The following RAP1A variants were observed in gnomAD, a reference collection of about 807,000 sequenced individuals.
RAP1A encodes RAP1A, member of RAS oncogene family.
RAP1A carries 6 observed loss-of-function variants against 26.4 expected under a neutral mutation model. That is an observed-to-expected ratio of 0.23 (90% CI 0.12 to 0.45). RAP1A has a LOEUF of 0.45. Ranked by LOEUF, RAP1A falls within the 20% of genes least tolerant of loss-of-function variation. RAP1A has a pLI of 0.99. For synonymous variants in RAP1A, 73 were observed against 79.4 expected (o/e 0.92, Z 0.43); for missense variants, 121 against 217.2 (o/e 0.56, Z 2.78).
chr1:111,696,776 A>G (rs1184101508), intron 3 of RAP1A, among the ~76,000 whole-genome samples: 1 of 152,098 alleles, frequency 6.6e-6, no homozygotes, highest in Non-Finnish European at 1.5e-5. Flanking sequence ...CATTAGACCA[A>G]CCTTCTTTTC....
chr1:111,648,962 G>T, intron 1 of RAP1A: 1 of 660,830 alleles, frequency 1.5e-6, no homozygotes, highest in South Asian at 1.4e-5. Context: ...GCTCTTCGTT[G>T]AGAGCCTCGA....
At chr1:111,582,944 C>T (rs1361795528) in intron 1 of RAP1A, among the ~76,000 whole-genome samples, 5 of 152,206 alleles carry the variant, frequency 3.3e-5, no homozygotes, top group Admixed American at 6.5e-5. Context: ...CCAGCTCCTA[C>T]AACCATACAG....
At chr1:111,630,473 C>G (rs947038760) in intron 1 of RAP1A, among the ~76,000 whole-genome samples, 1 of 152,062 alleles carries the variant, frequency 6.6e-6, no homozygotes, top group Non-Finnish European at 1.5e-5. Flanking sequence ...TTTTATACCA[C>G]TGAAGGGTTG....
At chr1:111,547,466 G>A (rs1268023460) in intron 1 of RAP1A, among the ~76,000 whole-genome samples, 1 of 152,004 alleles carries the variant, frequency 6.6e-6, no homozygotes, top group African/African-American at 2.4e-5. Flanking sequence ...GACTTCAAAT[G>A]TTTGTGAAAA....
rs991396579 is a variant in RAP1A at position 111,630,457 on chromosome 1, G to A, written c.-28+10523G>A. ...AGCAGTGAATAAGACGTGCTTTCAT[G>A]GCAATTTTTATACCACTGAAGGGTT... is the stretch of plus-strand genomic sequence containing the variant. On this transcript the variant is annotated intron_variant, in intron 1 of 7. Coordinates refer to ENST00000369709, the MANE Select transcript of RAP1A (RefSeq NM_002884.4). Among the ~76,000 whole-genome samples the A allele has an allele frequency of 5.3e-5, 8 of 152,098 alleles. No homozygotes were observed. In the East Asian group the frequency reaches 1.5e-3, roughly 29 times the overall value.
chr1:111,684,735 C>T (rs1661415403), intron 1 of RAP1A, among the ~76,000 whole-genome samples: 1 of 152,096 alleles, frequency 6.6e-6, no homozygotes, highest in African/African-American at 2.4e-5. Context: ...TCAGTGCTCC[C>T]CATAAAGCTA....
chr1:111,640,395 A>T (rs1442985751), intron 1 of RAP1A, among the ~76,000 whole-genome samples: 2 of 152,298 alleles, frequency 1.3e-5, no homozygotes, highest in East Asian at 3.9e-4. Context: ...TCCTCACTAA[A>T]TATTGTGATA....
chr1:111,618,531 G>A (rs1446583443), upstream of RAP1A, among the ~76,000 whole-genome samples: 1 of 152,066 alleles, frequency 6.6e-6, no homozygotes. Flanking sequence ...CTAGACTTAA[G>A]ACTTAAAAAG....
In RAP1A at chr1:111,714,592, G is replaced by A. The variant is rs1184140074; in HGVS notation, c.*2191G>A. The A allele has an allele frequency of 4.6e-5, 7 of 152,220 alleles. No individual in the cohort carries two copies. The highest frequency in any genetic ancestry group is 7.3e-5 in the Non-Finnish European group (5 of 68,044). 9.4% of individuals were successfully genotyped at this position (152,220 alleles called of 1,614,324 possible). ...CTTATACAGTCCACTTGGGTTAAAG[G>A]TGGAACTGTCAAGAAAAACGCCTTT... On this transcript the variant is annotated 3_prime_UTR_variant, in exon 8 of 8. Coordinates refer to ENST00000369709, the MANE Select transcript of RAP1A (RefSeq NM_002884.4).
intron 1 of RAP1A, among the ~76,000 whole-genome samples, chr1:111,689,762 C>T (rs999152657): frequency 5.3e-5 from 8 of 152,098 alleles, no homozygotes; most frequent in Admixed American, 2.0e-4. Flanking sequence ...CTCCGTCTCC[C>T]GGGTTCACAC....
At chr1:111,647,416 A>G (rs1442137736) in intron 1 of RAP1A, among the ~76,000 whole-genome samples, 2 of 152,152 alleles carry the variant, frequency 1.3e-5, no homozygotes, top group African/African-American at 4.8e-5. Context: ...AAAGTGCACA[A>G]TAAATGTAAT....
At chr1:111,687,884 G>A (rs1661535251) in intron 1 of RAP1A, among the ~76,000 whole-genome samples, 2 of 151,978 alleles carry the variant, frequency 1.3e-5, no homozygotes, top group Non-Finnish European at 2.9e-5. Context: ...AAGTGTGGTG[G>A]TGCACTCCTG....
chr1:111,566,518 G>T (rs1657921321), intron 1 of RAP1A, among the ~76,000 whole-genome samples: 1 of 152,126 alleles, frequency 6.6e-6, no homozygotes, highest in Non-Finnish European at 1.5e-5. Context: ...GACTTCAGTG[G>T]CCATATTTCC....
At chr1:111,593,449 T>C (rs1658506244) in intron 1 of RAP1A, among the ~76,000 whole-genome samples, 1 of 152,118 alleles carries the variant, frequency 6.6e-6, no homozygotes, top group Non-Finnish European at 1.5e-5. Context: ...TGCATCCTTT[T>C]TTCAAAACCT....
intron 1 of RAP1A, chr1:111,604,586 C>T (rs1434031582): frequency 6.6e-6 from 1 of 152,132 alleles, no homozygotes; most frequent in Non-Finnish European, 1.5e-5. Context: ...ACAATTTTGG[C>T]TTGGATTTCT....
chr1:111,660,389 G>A (rs915904148), intron 1 of RAP1A, among the ~76,000 whole-genome samples: 1 of 150,590 alleles, frequency 6.6e-6, no homozygotes. Context: ...TAGATGTTTT[G>A]GCATTTATCT....
At chr1:111,665,728 A>G (rs1660781131) in intron 1 of RAP1A, among the ~76,000 whole-genome samples, 1 of 152,190 alleles carries the variant, frequency 6.6e-6, no homozygotes, top group African/African-American at 2.4e-5. Flanking sequence ...CATGGATCCA[A>G]GAGCACATGT....
chr1:111,690,308 TC>T, intron 1 of RAP1A, among the ~76,000 whole-genome samples: 1 of 152,364 alleles, frequency 6.6e-6, no homozygotes, highest in African/African-American at 2.4e-5. Context: ...TGGGAATTGT[TC>T]CACCTGTAAA....
At chr1:111,621,930 A>G (rs1345760827) in intron 1 of RAP1A, among the ~76,000 whole-genome samples, 1 of 152,332 alleles carries the variant, frequency 6.6e-6, no homozygotes, top group Non-Finnish European at 1.5e-5. Context: ...ACCCCAGAAG[A>G]CAGGTATATT....
Sources: allele counts gnomAD v4.1 joint callset (sites outside exome capture counted in the v4.1 genomes callset), GRCh38; gene constraint gnomAD v4.1.1; transcripts MANE v1.5; gene names NCBI Gene and HGNC (gene_info 2026-07-23, HGNC 2026-07-21).